SYNPR: variants seen among roughly 807,000 people sequenced by gnomAD.
SYNPR encodes synaptoporin.
SYNPR carries 23 observed loss-of-function variants against 32.9 expected under a neutral mutation model. The ratio of observed to expected loss-of-function variants is 0.70; its 90% CI spans 0.50 to 0.99. The LOEUF is 0.99. SYNPR is among the 50% of genes least tolerant of loss of function. SYNPR has a pLI of 0.00. For missense variants in SYNPR, 318 were observed against 349.3 expected (o/e 0.91, Z 0.71); for synonymous variants, 146 against 135.9 (o/e 1.07, Z -0.52).
chr3:63,349,511 G>C (rs1318089682), intron 2 of SYNPR, among the ~76,000 whole-genome samples: 1 of 151,968 alleles, frequency 6.6e-6, no homozygotes, highest in Non-Finnish European at 1.5e-5. Flanking sequence ...TTTCTTTGTA[G>C]GGATCTTTCA....
At chr3:63,483,501 T>C (rs964445889) in intron 3 of SYNPR, among the ~76,000 whole-genome samples, 1 of 152,192 alleles carries the variant, frequency 6.6e-6, no homozygotes, top group Non-Finnish European at 1.5e-5. Flanking sequence ...GGGATTACTT[T>C]TGGGGAAGGA....
intron 4 of SYNPR, among the ~76,000 whole-genome samples, chr3:63,562,852 G>A (rs1364455698): frequency 6.6e-6 from 1 of 152,118 alleles, no homozygotes; most frequent in Non-Finnish European, 1.5e-5. Context: ...ATCTTCTTGT[G>A]TGAAATATTA....
intron 2 of SYNPR, among the ~76,000 whole-genome samples, chr3:63,264,677 A>G (rs2086465812): frequency 6.6e-6 from 1 of 152,200 alleles, no homozygotes; most frequent in Non-Finnish European, 1.5e-5. Flanking sequence ...GCTATGAGGA[A>G]ATACCCCAGA....
chr3:63,553,159 T>C (rs1702532556), intron 3 of SYNPR, among the ~76,000 whole-genome samples: 1 of 152,108 alleles, frequency 6.6e-6, no homozygotes, highest in African/African-American at 2.4e-5. Flanking sequence ...GCTTCATGTT[T>C]AGCTCCCACT....
chr3:63,383,228 G>A (rs1028821808), intron 2 of SYNPR, among the ~76,000 whole-genome samples: 2 of 152,130 alleles, frequency 1.3e-5, no homozygotes, highest in Non-Finnish European at 2.9e-5. Flanking sequence ...TCCCAAACAC[G>A]TTCTGAACAA....
intron 2 of SYNPR, among the ~76,000 whole-genome samples, chr3:63,413,932 T>A (rs553680461): frequency 4.3e-4 from 66 of 152,182 alleles, no homozygotes; most frequent in Admixed American, 2.1e-3. Context: ...CTTTCTCCAT[T>A]TATTTTCTTA....
intron 1 of SYNPR, among the ~76,000 whole-genome samples, chr3:63,250,505 G>A (rs930009729): frequency 2.0e-5 from 3 of 151,960 alleles, no homozygotes; most frequent in African/African-American, 7.3e-5. Flanking sequence ...CAACTTTTTG[G>A]GAGAGAGCTC....
intron 3 of SYNPR, among the ~76,000 whole-genome samples, chr3:63,512,024 C>G (rs1437272829): frequency 6.6e-6 from 1 of 150,672 alleles, no homozygotes; most frequent in Non-Finnish European, 1.5e-5. Context: ...ACGAACATAT[C>G]TGATTACTGA....
At chr3:63,502,962 A>T (rs1451904210) in intron 3 of SYNPR, among the ~76,000 whole-genome samples, 1 of 152,154 alleles carries the variant, frequency 6.6e-6, no homozygotes, top group African/African-American at 2.4e-5. Flanking sequence ...ATGTGGACAT[A>T]AGGTTTTAAT....
chr3:63,243,214 G>A (rs971730397), intron 1 of SYNPR, among the ~76,000 whole-genome samples: 3 of 151,894 alleles, frequency 2.0e-5, no homozygotes, highest in Non-Finnish European at 4.4e-5. Context: ...GATTCAAGGA[G>A]CACCCTAAAC....
At chr3:63,600,419 G>A (rs1048077809) in intron 4 of SYNPR, among the ~76,000 whole-genome samples, 1 of 152,116 alleles carries the variant, frequency 6.6e-6, no homozygotes, top group African/African-American at 2.4e-5. Flanking sequence ...GCAGGAGGTG[G>A]GACAATGTAG....
At chr3:63,368,062 CA>C (rs1341241342) in intron 2 of SYNPR, among the ~76,000 whole-genome samples, 1 of 152,028 alleles carries the variant, frequency 6.6e-6, no homozygotes, top group Non-Finnish European at 1.5e-5. Context: ...TTGATTTTGG[CA>C]GCAAGAAATT....
Position 63,615,779 on chromosome 3 carries a change from G to C in SYNPR, c.*298G>C, listed in dbSNP as rs973902376. 7.3e-5 allele frequency: 19 copies of C among 261,002 alleles called. No individual in the cohort carries two copies. Among genetic ancestry groups the C allele is most frequent in the Non-Finnish European group, 1.2e-4 (17 of 138,322 alleles). The allele number at this position is 261,002 out of a possible 1,614,324, so 16.2% of individuals were successfully genotyped here. A position where few individuals can be genotyped will look rare whatever the true frequency, so the allele number is the denominator to read the frequency against. ...GTTAAAGTAGTAGAAGTATTTTGTA[G>C]CTTAAAGTCTCTAGTATGTAATATG... On this transcript the variant is annotated 3_prime_UTR_variant, in exon 6 of 6. Transcript: ENST00000478300.
At chr3:63,330,894 C>T (rs574206375) in intron 2 of SYNPR, among the ~76,000 whole-genome samples, 45 of 151,980 alleles carry the variant, frequency 3.0e-4, no homozygotes, top group Non-Finnish European at 6.2e-4. Flanking sequence ...TAATGAATAG[C>T]CCCATTAGAT....
At chr3:63,236,098 G>A (rs1037133181) in intron 1 of SYNPR, among the ~76,000 whole-genome samples, 1 of 150,680 alleles carries the variant, frequency 6.6e-6, no homozygotes, top group Non-Finnish European at 1.5e-5. Context: ...TGCCCAATTA[G>A]TTTGGCACCA....
intron 1 of SYNPR, among the ~76,000 whole-genome samples, chr3:63,240,320 C>T (rs887011332): frequency 6.6e-6 from 1 of 152,092 alleles, no homozygotes; most frequent in African/African-American, 2.4e-5. Flanking sequence ...AAGCACCCAT[C>T]CCATTTTAAC....
intron 2 of SYNPR, among the ~76,000 whole-genome samples, chr3:63,403,445 C>CACAT (rs1456966171): frequency 1.4e-5 from 2 of 147,598 alleles, no homozygotes; most frequent in Non-Finnish European, 3.0e-5. Context: ...TACACATACA[C>CACAT]ACACACACAC....
chr3:63,308,893 T>C (rs1307156741), intron 2 of SYNPR, among the ~76,000 whole-genome samples: 2 of 151,912 alleles, frequency 1.3e-5, no homozygotes, highest in Non-Finnish European at 2.9e-5. Flanking sequence ...TTCATTAAAT[T>C]ATAAATTTTA....
intron 2 of SYNPR, among the ~76,000 whole-genome samples, chr3:63,370,825 T>C (rs998896586): frequency 1.3e-5 from 2 of 152,156 alleles, no homozygotes; most frequent in Non-Finnish European, 2.9e-5. Flanking sequence ...CTTGTAAAAA[T>C]TTAGAGTACT....
Sources: gnomAD v4.1 joint callset for allele counts (sites outside exome capture counted in the v4.1 genomes callset) on GRCh38, gnomAD v4.1.1 for gene constraint, MANE v1.5 for transcripts, NCBI Gene and HGNC (gene_info 2026-07-23, HGNC 2026-07-21) for gene names.